The following CNTN4 variants were observed in gnomAD, a reference collection of about 807,000 sequenced individuals.
CNTN4 encodes contactin-4.
CNTN4 carries 77 observed loss-of-function variants against 122.5 expected under a neutral mutation model. That is an observed-to-expected ratio of 0.63 (90% confidence interval 0.52 to 0.76). CNTN4 has a LOEUF of 0.76. Ranked by LOEUF, CNTN4 falls within the 30% of genes least tolerant of loss-of-function variation. CNTN4 has a pLI of 0.00. For missense variants in CNTN4, 1,256 were observed against 1,259.1 expected (o/e 1.00, Z 0.04); for synonymous variants, 512 against 447.0 (o/e 1.15, Z -1.83).
At position 3,034,620 on chromosome 3, in the gene CNTN4, G is replaced by C; in HGVS notation, c.1784-12G>C. On this transcript the variant is annotated splice_polypyrimidine_tract_variant and intron_variant, in intron 16 of 24. Transcript: ENST00000418658. Reference sequence around the variant, plus strand: ...ACACTGCTCCAATTCTGGGGGTCTTGCTCTTTCCCAGGTCCTCCAGGTCCC... The same window carrying C: ...ACACTGCTCCAATTCTGGGGGTCTTCCTCTTTCCCAGGTCCTCCAGGTCCC... 6.2e-7 allele frequency: 1 copy of C among 1,613,978 alleles called. No homozygotes were observed. The highest frequency in any genetic ancestry group is 8.5e-7 in the Non-Finnish European group (1 of 1,179,914).
intron 2 of CNTN4, among the ~76,000 whole-genome samples, chr3:2,300,632 C>T (rs982697961): frequency 7.8e-6 from 1 of 128,908 alleles, no homozygotes; most frequent in Non-Finnish European, 1.6e-5. Flanking sequence ...AGTGCAGTGG[C>T]ACAGTCTCGG....
At chr3:2,932,405 G>A (rs2094529357) in intron 13 of CNTN4, among the ~76,000 whole-genome samples, 1 of 151,926 alleles carries the variant, frequency 6.6e-6, no homozygotes, top group Non-Finnish European at 1.5e-5. Context: ...TAAAAAATAA[G>A]TACAAATTGA....
chr3:2,331,737 C>T (rs944768833), intron 2 of CNTN4, among the ~76,000 whole-genome samples: 1 of 152,204 alleles, frequency 6.6e-6, no homozygotes, highest in Non-Finnish European at 1.5e-5. Flanking sequence ...TCTATTGGAA[C>T]TCAGGCCACA....
chr3:2,783,625 G>A (rs984769748), intron 6 of CNTN4, among the ~76,000 whole-genome samples: 2 of 152,168 alleles, frequency 1.3e-5, no homozygotes, highest in African/African-American at 4.8e-5. Flanking sequence ...CTTTTCTCTA[G>A]AGTAATTGAA....
chr3:2,465,704 AT>A (rs1235303943), intron 3 of CNTN4, among the ~76,000 whole-genome samples: 1 of 152,128 alleles, frequency 6.6e-6, no homozygotes, highest in African/African-American at 2.4e-5. Context: ...AAATAAAAAA[AT>A]AAAATAAAAA....
At chr3:2,793,369 T>C (rs942726189) in intron 6 of CNTN4, among the ~76,000 whole-genome samples, 1 of 152,150 alleles carries the variant, frequency 6.6e-6, no homozygotes, top group Non-Finnish European at 1.5e-5. Context: ...ACCTTGCTAT[T>C]ACTACTGGTA....
chr3:3,037,293 G>A lies in CNTN4; in HGVS notation c.2057G>A (p.Ser686Asn). 2.5e-6 allele frequency: 4 copies of A among 1,614,180 alleles called. No individual in the cohort carries two copies. Among genetic ancestry groups the A allele is most frequent in the Non-Finnish European group, 3.4e-6 (4 of 1,180,038 alleles). Reference protein sequence around the residue: ...AANVIGIGEPSRPSEKRRTEE... With the variant: ...AANVIGIGEPNRPSEKRRTEE... ...AACGTGATTGGGATTGGGGAGCCCA[G>A]CCGCCCCTCAGAGAAACGGAGAACA... is the stretch of plus-strand genomic sequence containing the variant. Residue 686 changes from serine to asparagine, a missense_variant, in exon 18 of 25, where the codon AGC becomes AAC. By Grantham distance (46) the Ser-to-Asn change is conservative. Coordinates refer to ENST00000418658, the MANE Select transcript of CNTN4 (RefSeq NM_175607.3).
intron 2 of CNTN4, among the ~76,000 whole-genome samples, chr3:2,109,491 A>G (rs1017720395): frequency 6.6e-6 from 1 of 152,146 alleles, no homozygotes; most frequent in African/African-American, 2.4e-5. Flanking sequence ...TAACTTGCAC[A>G]CTTGTATTAA....
chr3:2,923,291 T>TAAAAA (rs77339040), intron 12 of CNTN4, among the ~76,000 whole-genome samples: 1 of 151,174 alleles, frequency 6.6e-6, no homozygotes, highest in Non-Finnish European at 1.5e-5. Context: ...AAATATCATT[T>TAAAAA]AAAAAAAAAC....
chr3:2,745,421 A>G (rs2089699181), intron 5 of CNTN4, 101 bp from the exon 6 acceptor site: 7 of 1,021,238 alleles, frequency 6.9e-6, no homozygotes, highest in South Asian at 1.4e-5. Context: ...AAAAGTCACA[A>G]ATGATTTTTC....
intron 3 of CNTN4, among the ~76,000 whole-genome samples, chr3:2,425,208 A>G (rs552293873): frequency 6.6e-6 from 1 of 152,242 alleles, no homozygotes; most frequent in Admixed American, 6.5e-5. Flanking sequence ...TTTTAGATCT[A>G]ACATTTAAGT....
intron 6 of CNTN4, among the ~76,000 whole-genome samples, chr3:2,780,742 G>T (rs1482169860): frequency 1.3e-5 from 2 of 152,094 alleles, no homozygotes; most frequent in Non-Finnish European, 2.9e-5. Flanking sequence ...AAAATTCCAC[G>T]CCCGTATGGA....
chr3:2,465,868 T>A (rs906486849), intron 3 of CNTN4, among the ~76,000 whole-genome samples: 1 of 152,150 alleles, frequency 6.6e-6, no homozygotes, highest in Non-Finnish European at 1.5e-5. Context: ...CTGAGATAAT[T>A]TACATAACAT....
At chr3:2,676,276 C>T (rs912588958) in intron 4 of CNTN4, among the ~76,000 whole-genome samples, 1 of 151,832 alleles carries the variant, frequency 6.6e-6, no homozygotes, top group Non-Finnish European at 1.5e-5. Flanking sequence ...GGTTAGAGTG[C>T]AGTGGCATGC....
chr3:3,043,205 C>G (rs747714346), intron 22 of CNTN4, 42 bp downstream of exon 22: 15 of 1,569,686 alleles, frequency 9.6e-6, no homozygotes, highest in South Asian at 8.9e-5. Flanking sequence ...GGATTCATCA[C>G]ACATATCCCA....
chr3:2,453,608 G>A (rs1344609439), intron 3 of CNTN4, among the ~76,000 whole-genome samples: 1 of 152,184 alleles, frequency 6.6e-6, no homozygotes, highest in East Asian at 1.9e-4. Flanking sequence ...TTCAAAATTT[G>A]TTACCTACTT....
At chr3:2,903,129 TGC>T in intron 12 of CNTN4, 124 bp downstream of exon 12, 1 of 924,140 alleles carries the variant, frequency 1.1e-6, no homozygotes, top group Non-Finnish European at 1.6e-6. Flanking sequence ...AGGCCAAAGA[TGC>T]TACTCAAGAA....
At chr3:2,335,829 G>C (rs959208453) in intron 2 of CNTN4, among the ~76,000 whole-genome samples, 1 of 152,126 alleles carries the variant, frequency 6.6e-6, no homozygotes, top group Non-Finnish European at 1.5e-5. Flanking sequence ...TTTAAGATCA[G>C]TTATGAAAAT....
intron 3 of CNTN4, among the ~76,000 whole-genome samples, chr3:2,425,900 T>G (rs944432659): frequency 2.0e-5 from 3 of 152,196 alleles, no homozygotes; most frequent in African/African-American, 7.2e-5. Flanking sequence ...ATGCTAGTGA[T>G]TTTTGCACAT....
Sources: gnomAD v4.1 joint callset for allele counts (sites outside exome capture counted in the v4.1 genomes callset) on GRCh38, gnomAD v4.1.1 for gene constraint, MANE v1.5 for transcripts, NCBI Gene and HGNC (gene_info 2026-07-23, HGNC 2026-07-21) for gene names.